PAK3: variants seen among roughly 807,000 people sequenced by gnomAD.
PAK3 encodes the protein serine/threonine-protein kinase PAK 3.
A neutral mutation model predicts 41.0 loss-of-function variants in PAK3; 4 were observed. The observed-to-expected ratio is 0.10, with a 90% CI of 0.05 to 0.22. The LOEUF is 0.22. Ranked by LOEUF, PAK3 falls within the 10% of genes least tolerant of loss-of-function variation. The pLI is 1.00. For missense variants in PAK3, 205 were observed against 409.9 expected (o/e 0.50, Z 4.32); for synonymous variants, 146 against 139.6 (o/e 1.05, Z -0.32).
At chrX:110,984,938 G>A (rs2091516053) in intron 1 of PAK3, among the ~76,000 whole-genome samples, 1 of 110,497 alleles carries the variant, frequency 9.1e-6, no homozygotes, top group Admixed American at 9.6e-5. Flanking sequence ...AGACCAGCCT[G>A]GGCCATGTGG....
intron 11 of PAK3, among the ~76,000 whole-genome samples, chrX:111,176,743 C>T (rs1291519051): frequency 1.8e-5 from 2 of 110,415 alleles, no homozygotes; most frequent in Non-Finnish European, 3.8e-5. Context: ...GCATGTTGGC[C>T]TTACATTCTA....
At chrX:111,213,797 G>A (rs766317293) in intron 16 of PAK3, among the ~76,000 whole-genome samples, 2 of 112,210 alleles carry the variant, frequency 1.8e-5, no homozygotes, top group Non-Finnish European at 3.8e-5. Context: ...AGATGTTTGG[G>A]AGGACAGGTG....
intron 1 of PAK3, among the ~76,000 whole-genome samples, chrX:111,014,435 TG>T (rs1179501550): frequency 9.0e-6 from 1 of 111,467 alleles, no homozygotes; most frequent in Admixed American, 9.5e-5. Context: ...AGTGAGAAGT[TG>T]GGGGTGAGAA....
intron 10 of PAK3, among the ~76,000 whole-genome samples, chrX:111,168,070 A>G (rs2149218625): frequency 9.0e-6 from 1 of 111,161 alleles, no homozygotes; most frequent in East Asian, 2.9e-4. Context: ...ACTGATATCA[A>G]TTTAGAGAAT....
chrX:111,078,271 G>GTTTTT (rs780552414), intron 1 of PAK3, among the ~76,000 whole-genome samples: 1 of 94,658 alleles, frequency 1.1e-5, no homozygotes, highest in Non-Finnish European at 2.2e-5. Context: ...GTTTTGTTTT[G>GTTTTT]TTTTTTTTTT....
chrX:111,113,877 T>C (rs1229500602), intron 4 of PAK3, among the ~76,000 whole-genome samples: 1 of 111,470 alleles, frequency 9.0e-6, no homozygotes, highest in Non-Finnish European at 1.9e-5. Context: ...CATGCGGTGT[T>C]TGGTTTTCTG....
intron 7 of PAK3, among the ~76,000 whole-genome samples, chrX:111,149,752 G>C (rs7879535): frequency 0.15 from 17,124 of 110,954 alleles, 2,788 homozygotes; most frequent in African/African-American, 0.49. Context: ...CAAAAAACCA[G>C]TTTTTCCTCC....
intron 7 of PAK3, among the ~76,000 whole-genome samples, 156 bp from the exon 8 acceptor site, chrX:111,152,254 G>A (rs764462030): frequency 8.9e-6 from 1 of 112,201 alleles, no homozygotes; most frequent in South Asian, 3.6e-4. Flanking sequence ...TTTAAGAAAA[G>A]CTATGTCATT....
chrX:111,158,542 A>G (rs758046095), intron 8 of PAK3, among the ~76,000 whole-genome samples: 1 of 111,700 alleles, frequency 9.0e-6, no homozygotes, highest in South Asian at 3.8e-4. Flanking sequence ...AAAGATTGCT[A>G]TCCTTGGTGG....
chrX:110,945,148 C>G (rs1446816382), intron 1 of PAK3, among the ~76,000 whole-genome samples: 1 of 112,134 alleles, frequency 8.9e-6, no homozygotes, highest in African/African-American at 3.2e-5. Flanking sequence ...TGACTACACA[C>G]AGGAATGCAG....
At chrX:111,056,386 T>G (rs2092605461) in intron 1 of PAK3, among the ~76,000 whole-genome samples, 2 of 111,825 alleles carry the variant, frequency 1.8e-5, no homozygotes, top group South Asian at 7.5e-4. Flanking sequence ...TCTGCCACAT[T>G]AGGATAAATA....
At chrX:111,125,629 G>A (rs2093637860) in intron 5 of PAK3, among the ~76,000 whole-genome samples, 1 of 111,467 alleles carries the variant, frequency 9.0e-6, no homozygotes, top group African/African-American at 3.3e-5. Flanking sequence ...TCTATAAAGA[G>A]GTGCTATGAT....
At chrX:111,195,977 G>A (rs1195461323) in intron 15 of PAK3, 36 bp downstream of exon 15, 4 of 745,863 alleles carry the variant, frequency 5.4e-6, no homozygotes, top group Non-Finnish European at 8.5e-6. Context: ...TAGAGTATCA[G>A]GGAATTTCTG....
intron 1 of PAK3, among the ~76,000 whole-genome samples, chrX:111,011,148 G>T (rs5985575): frequency 0.03 from 3,329 of 111,423 alleles, 133 homozygotes; most frequent in African/African-American, 0.1. Context: ...GGGGTGGTTA[G>T]GTAGGATGCC....
intron 5 of PAK3, among the ~76,000 whole-genome samples, chrX:111,139,788 T>C (rs919192557): frequency 3.6e-5 from 4 of 112,232 alleles, no homozygotes; most frequent in Non-Finnish European, 7.5e-5. Flanking sequence ...GAGAGTTTAT[T>C]TGCTGACAAG....
intron 5 of PAK3, among the ~76,000 whole-genome samples, chrX:111,136,593 A>ATT (rs2093792957): frequency 8.9e-6 from 1 of 111,919 alleles, no homozygotes; most frequent in Non-Finnish European, 1.9e-5. Context: ...AATATTCCCC[A>ATT]TTACCTTCTA....
At chrX:111,219,190 A>AAATAATAATAAT (rs3062744) in intron 17 of PAK3, among the ~76,000 whole-genome samples, 858 of 84,385 alleles carry the variant, frequency 0.01, 10 homozygotes, top group East Asian at 0.014. Flanking sequence ...AGTCCATCTC[A>AAATAATAATAAT]AATAATAATA....
At chrX:111,049,138 C>T (rs1287525022) in intron 1 of PAK3, among the ~76,000 whole-genome samples, 1 of 111,610 alleles carries the variant, frequency 9.0e-6, no homozygotes, top group East Asian at 2.8e-4. Context: ...TGTTCTTCCC[C>T]TAGATCTTTA....
At position 111,207,286 on chromosome X, in the gene PAK3, G is replaced by C. The variant is rs1004039736; in HGVS notation, c.1408-9135G>C. On this transcript the variant is annotated intron_variant, in intron 16 of 17. Transcript: ENST00000372007. The stretch of plus-strand genomic sequence containing the variant: ...CACACAGTTGAGCCTCTGATCCACG[G>C]GTGTGAAATCCATGGATTCAACCAA... Among the ~76,000 whole-genome samples the C allele has an allele frequency of 1.0e-4, 11 of 109,381 alleles. No individual in the cohort carries two copies. In the South Asian group the frequency reaches 2.8e-3, roughly 27 times the overall value. 95.0% of individuals were successfully genotyped at this position (109,381 alleles called of 115,157 possible).
Sources: allele counts gnomAD v4.1 joint callset (sites outside exome capture counted in the v4.1 genomes callset), GRCh38; gene constraint gnomAD v4.1.1; transcripts MANE v1.5; gene names NCBI Gene and HGNC (gene_info 2026-07-23, HGNC 2026-07-21).